The following ATAD3A variants were observed in gnomAD, a reference collection of about 807,000 sequenced individuals.
ATAD3A encodes the protein ATPase family AAA domain-containing protein 3A.
ATAD3A carries 46 observed loss-of-function variants against 73.8 expected under a neutral mutation model. That is an observed-to-expected ratio of 0.62 (90% confidence interval 0.49 to 0.80). The LOEUF is 0.80. Among genes scored for constraint, ATAD3A ranks in the 30% least tolerant of loss-of-function variants. The probability of loss-of-function intolerance (pLI) is 0.00; values close to 1 mark genes in which losing one functional copy is unlikely to be tolerated. For missense variants in ATAD3A, 705 were observed against 838.0 expected, an observed-to-expected ratio of 0.84 and a Z score of 1.96; for synonymous variants, 319 against 350.0, an observed-to-expected ratio of 0.91 and a Z score of 0.99.
chr1:1,520,112 T>C lies in ATAD3A; in HGVS notation c.515-29T>C. 6.2e-7 allele frequency: 1 copy of C among 1,600,928 alleles called. No homozygotes were observed. The highest frequency in any genetic ancestry group is 8.5e-7 in the Non-Finnish European group (1 of 1,175,874). ...GAGGTGGACGCGCTGCACTGCATGG[T>C]GCTGAGCTGCCCTGCCTCTCTGGGG... On this transcript the variant is annotated intron_variant, in intron 5 of 15. Coordinates refer to ENST00000378756, the MANE Select transcript of ATAD3A (RefSeq NM_001170535.3). The surrounding 1 kb of genome is among the most constrained non-coding windows in gnomAD (Gnocchi z 4.0).
Position 1,533,849 on chromosome 1 carries a change from C to T in ATAD3A, c.1615-77C>T, listed in dbSNP as rs1321180675. 3 of 1,532,904 alleles carry T rather than the reference C, an allele frequency of 2.0e-6. No individual in the cohort carries two copies. The African/African-American group carries it at 4.2e-5, about 21-fold the overall frequency. 95.0% of individuals were successfully genotyped at this position (1,532,904 alleles called of 1,614,324 possible). On this transcript the variant is annotated intron_variant, in intron 15 of 15. Coordinates refer to ENST00000378756, the MANE Select transcript of ATAD3A (RefSeq NM_001170535.3). ...TGGAGCCCCTGGTTTGGTCCCTCCC[C>T]ACCTCGGGGCCCTGGCGTGCATTTG...
intron 7 of ATAD3A, among the ~76,000 whole-genome samples, chr1:1,521,918 G>T (rs1641613997): frequency 6.6e-6 from 1 of 152,106 alleles, no homozygotes; most frequent in Non-Finnish European, 1.5e-5. Context: ...TAGTAGAGAT[G>T]GGTTTTCACC....
At chr1:1,518,266 C>T (rs146767062) in intron 4 of ATAD3A, among the ~76,000 whole-genome samples, 87 of 151,016 alleles carry the variant, frequency 5.8e-4, no homozygotes, top group African/African-American at 1.9e-3. Flanking sequence ...TACGCACACA[C>T]ACACCACACA....
intron 15 of ATAD3A, among the ~76,000 whole-genome samples, chr1:1,529,801 G>C (rs1206628085): frequency 1.3e-5 from 2 of 152,244 alleles, no homozygotes; most frequent in Non-Finnish European, 2.9e-5. Flanking sequence ...CCCACAGCCA[G>C]TTGTTCTTCG....
At chr1:1,527,412 C>T (rs867567127) in intron 13 of ATAD3A, among the ~76,000 whole-genome samples, 3 of 152,248 alleles carry the variant, frequency 2.0e-5, no homozygotes, top group African/African-American at 4.8e-5. Context: ...GCTCCCAGCA[C>T]AGCAGGGGTC....
chr1:1,518,666 T>TACACACACAC (rs113798902), intron 4 of ATAD3A, among the ~76,000 whole-genome samples: 22 of 41,310 alleles, frequency 5.3e-4, no homozygotes, highest in African/African-American at 1.8e-3. Context: ...CCCGCACGGG[T>TACACACACAC]ACACACACAC....
intron 5 of ATAD3A, among the ~76,000 whole-genome samples, chr1:1,519,689 C>T (rs376084090): frequency 5.8e-5 from 8 of 137,456 alleles, no homozygotes; most frequent in Non-Finnish European, 9.4e-5. Context: ...TAGCCAGGCA[C>T]GTGGCACGTC....
At position 1,523,548 on chromosome 1, in the gene ATAD3A, T is replaced by C; in HGVS notation, c.944T>C (p.Leu315Pro). The C allele has an allele frequency of 6.2e-7, 1 of 1,612,932 alleles. No individual in the cohort carries two copies. The highest frequency in any genetic ancestry group is 8.5e-7 in the Non-Finnish European group (1 of 1,179,706). Residue 315 changes from leucine to proline, a missense_variant, in exon 9 of 16, where the codon CTG (leucine) becomes CCG (proline). Physicochemically the swap from Leu to Pro is moderately conservative, Grantham distance 98 (BLOSUM62 -3). Coordinates refer to ENST00000378756, the MANE Select transcript of ATAD3A (RefSeq NM_001170535.3). This position sits in a 1 kb window ranked among gnomAD's most constrained non-coding sequence, Gnocchi z 5.1. ...CTCCTCAGTCGACCCCAGGACGCGC[T>C]GGAGGGTGTTGTGCTCAGTGTAAGT... ...RRLLSRPQDALEGVVLSPSLE... is the reference protein window; with the variant it reads ...RRLLSRPQDAPEGVVLSPSLE...
rs1641844658 is a variant in ATAD3A, at chr1:1,526,401, G to C, written c.1267-60G>C. 8 of 1,555,694 alleles carry C rather than the reference G, an allele frequency of 5.1e-6. No individual in the cohort carries two copies. In the South Asian group the frequency reaches 9.5e-5, roughly 18 times the overall value. Reference sequence around the variant, plus strand: ...AGGAGGGAGGCCTGTGGGACTTTCTGCTGTGGCTGTTTACAAGGCTTTGCT... The same window carrying C: ...AGGAGGGAGGCCTGTGGGACTTTCTCCTGTGGCTGTTTACAAGGCTTTGCT... On this transcript the variant is annotated intron_variant, in intron 12 of 15. Transcript: ENST00000378756.
In ATAD3A at chr1:1,523,795, A is replaced by C; in HGVS notation, c.964-44A>C. The C allele has an allele frequency of 6.2e-7, 1 of 1,613,046 alleles. No homozygotes were observed. Among genetic ancestry groups the C allele is most frequent in the East Asian group, 2.2e-5 (1 of 44,874 alleles). On this transcript the variant is annotated intron_variant, in intron 9 of 15. Coordinates refer to ENST00000378756, the MANE Select transcript of ATAD3A (RefSeq NM_001170535.3). The surrounding 1 kb of genome is among the most constrained non-coding windows in gnomAD (Gnocchi z 5.1). ...CGCAGCCCCTTCCCCTGAGGCTTCC[A>C]TGGGTGCACAGTGTCTCCTCCAAAC...
At position 1,522,676 on chromosome 1, in the gene ATAD3A, G is replaced by A. The variant is rs141100577; in HGVS notation, c.751-68G>A. 3.4e-4 allele frequency: 547 copies of A among 1,596,006 alleles called. 1 individual carries two copies. In the African/African-American group the frequency reaches 6.2e-3, roughly 18 times the overall value. Reference sequence around the variant, plus strand: ...GCGGAGAGAGGGTGGGGGCAGCCCCGTGCGTCTCCTGCTCTAAGAGGGAGG... The same window carrying A: ...GCGGAGAGAGGGTGGGGGCAGCCCCATGCGTCTCCTGCTCTAAGAGGGAGG... On this transcript the variant is annotated intron_variant, in intron 7 of 15. Transcript: ENST00000378756.
intron 2 of ATAD3A, 122 bp downstream of exon 2, chr1:1,516,210 G>A: frequency 6.9e-7 from 1 of 1,441,202 alleles, no homozygotes; most frequent in Non-Finnish European, 9.5e-7. Context: ...GTGGGGCCCA[G>A]GGCCAAGCTT....
Position 1,520,863 on chromosome 1 carries a change from G to A in ATAD3A, c.750+246G>A, listed in dbSNP as rs1361315340. On this transcript the variant is annotated intron_variant, in intron 7 of 15. Transcript: ENST00000378756. The surrounding 1 kb of genome is among the most constrained non-coding windows in gnomAD (Gnocchi z 4.0). ...CTCTACAAAAAATCAAATATTAGCTGGGTGTGGTGGCAGCCCCTGTGGTCC... is the reference window on the plus strand; with the variant it reads ...CTCTACAAAAAATCAAATATTAGCTAGGTGTGGTGGCAGCCCCTGTGGTCC... Among the ~76,000 whole-genome samples, 1 of 151,982 alleles carries A rather than the reference G, an allele frequency of 6.6e-6. No individual in the cohort carries two copies. Among genetic ancestry groups the A allele is most frequent in the East Asian group, 1.9e-4 (1 of 5,140 alleles).
At position 1,523,995 on chromosome 1, in the gene ATAD3A, G is replaced by A; in HGVS notation, c.1089+31G>A. The A allele has an allele frequency of 6.2e-7, 1 of 1,613,300 alleles. No individual in the cohort carries two copies. Among genetic ancestry groups the A allele is most frequent in the Non-Finnish European group, 8.5e-7 (1 of 1,179,968 alleles). On this transcript the variant is annotated intron_variant, in intron 10 of 15. Transcript: ENST00000378756. The surrounding 1 kb of genome is among the most constrained non-coding windows in gnomAD (Gnocchi z 5.1). ...AGCGCCTGGCTGAACAGGTGGGCCAGGGGCCGCTGGGGTCTCACCTGCCTG... is the reference window on the plus strand; with the variant it reads ...AGCGCCTGGCTGAACAGGTGGGCCAAGGGCCGCTGGGGTCTCACCTGCCTG...
chr1:1,517,020 A>C, intron 2 of ATAD3A: 2 of 1,411,606 alleles, frequency 1.4e-6, no homozygotes, highest in Non-Finnish European at 1.9e-6. Flanking sequence ...TCCACTCAGC[A>C]GGATTCCTAA....
intron 15 of ATAD3A, 93 bp downstream of exon 15, chr1:1,529,424 G>T: frequency 6.7e-7 from 1 of 1,494,192 alleles, no homozygotes; most frequent in Non-Finnish European, 8.9e-7. Context: ...CCGGTGTCAC[G>T]CGGGAGCTTC....
At chr1:1,528,226 G>A (rs991683040) in intron 14 of ATAD3A, among the ~76,000 whole-genome samples, 1 of 152,142 alleles carries the variant, frequency 6.6e-6, no homozygotes, top group African/African-American at 2.4e-5. Context: ...GCCTCCCAAA[G>A]TGCAGGGATT....
intron 7 of ATAD3A, 145 bp from the exon 8 acceptor site, chr1:1,522,597 CCG>C: frequency 6.8e-7 from 1 of 1,473,520 alleles, no homozygotes. Flanking sequence ...GGATTCGGGG[CCG>C]GGAATTCGCG....
At chr1:1,529,130 G>C (rs188649727) in intron 14 of ATAD3A, 93 bp from the exon 15 acceptor site, 3 of 1,543,274 alleles carry the variant, frequency 1.9e-6, no homozygotes, top group Admixed American at 3.9e-5. Flanking sequence ...GATGTTTGGC[G>C]TGGGTGTCGG....
Sources: gnomAD v4.1 joint callset for allele counts (sites outside exome capture counted in the v4.1 genomes callset) on GRCh38, gnomAD v4.1.1 for gene constraint, Gnocchi (gnomAD v3.1) non-coding constraint, MANE v1.5 for transcripts, NCBI Gene and HGNC (gene_info 2026-07-23, HGNC 2026-07-21) for gene names.